The following ROS1 variants were observed in gnomAD, a reference collection of about 807,000 sequenced individuals.
ROS1 encodes the protein proto-oncogene tyrosine-protein kinase ROS.
Under a neutral mutation model 273.5 loss-of-function variants are expected in ROS1, and 263 were observed. That is an observed-to-expected ratio of 0.96 (90% CI 0.87 to 1.06). ROS1 has a LOEUF of 1.06. Among genes scored for constraint, ROS1 ranks in the 50% least tolerant of loss-of-function variants. ROS1 has a pLI of 0.00. For missense variants in ROS1, 2,833 were observed against 2,751.1 expected (o/e 1.03, Z -0.67); for synonymous variants, 1,008 against 954.1 (o/e 1.06, Z -1.04).
Position 117,360,025 on chromosome 6 carries a change from A to T in ROS1, c.3431-14T>A. 6.2e-7 allele frequency: 1 copy of T among 1,603,374 alleles called. No homozygotes were observed. Among genetic ancestry groups the T allele is most frequent in the Non-Finnish European group, 8.5e-7 (1 of 1,171,188 alleles). On this transcript the variant is annotated splice_polypyrimidine_tract_variant and intron_variant, in intron 23 of 43. Transcript: ENST00000368507. ...ATGGGTTGATTTCTGAAAGCAAAAA[A>T]ACATGTAGATAATATGCATGAGAAA...
intron 21 of ROS1, 99 bp from the exon 22 acceptor site, chr6:117,362,964 T>G: frequency 9.7e-7 from 1 of 1,031,388 alleles, no homozygotes; most frequent in East Asian, 2.7e-5. Context: ...AACTTAACAA[T>G]ATTTCTCATT....
intron 24 of ROS1, among the ~76,000 whole-genome samples, chr6:117,358,814 T>C (rs1287980160): frequency 6.6e-6 from 1 of 152,090 alleles, no homozygotes; most frequent in African/African-American, 2.4e-5. Flanking sequence ...CACCTCATGC[T>C]CATCCCCTCA....
intron 19 of ROS1, 66 bp from the exon 20 acceptor site, chr6:117,365,807 CAT>C: frequency 8.0e-7 from 1 of 1,246,306 alleles, no homozygotes; most frequent in Non-Finnish European, 1.1e-6. Context: ...ATATAGAAAT[CAT>C]AGAAAATCAA....
intron 43 of ROS1, among the ~76,000 whole-genome samples, chr6:117,289,858 A>T (rs973469080): frequency 7.2e-5 from 11 of 152,190 alleles, no homozygotes; most frequent in Admixed American, 5.9e-4. Flanking sequence ...TTCAACTGTT[A>T]TGATTATTGC....
intron 42 of ROS1, among the ~76,000 whole-genome samples, chr6:117,307,042 T>C (rs1007790245): frequency 1.3e-5 from 2 of 152,156 alleles, no homozygotes; most frequent in Non-Finnish European, 2.9e-5. Context: ...TTATTCAAGA[T>C]AAAACTGTAT....
At chr6:117,372,260 C>CAAAAAGAAAGAAAGGGCATCCAAATCAGT (rs1485071054) in intron 18 of ROS1, among the ~76,000 whole-genome samples, 5 of 152,004 alleles carry the variant, frequency 3.3e-5, no homozygotes, top group Admixed American at 3.3e-4. Context: ...AAGCAGACAA[C>CAAAAAGAAAGAAAGGGCATCCAAATCAGT]AAAAAGAAAG....
chr6:117,416,522 GCT>G (rs1775348236), intron 2 of ROS1, among the ~76,000 whole-genome samples: 1 of 152,204 alleles, frequency 6.6e-6, no homozygotes, highest in East Asian at 1.9e-4. Context: ...AAGTCTTGTG[GCT>G]CACTGCAGGG....
At chr6:117,364,599 C>T (rs1052844245) in intron 21 of ROS1, among the ~76,000 whole-genome samples, 1 of 152,182 alleles carries the variant, frequency 6.6e-6, no homozygotes, top group Non-Finnish European at 1.5e-5. Context: ...GTTTTGTACA[C>T]TTTAAGGTGA....
chr6:117,359,308 A>G (rs1779589682), intron 24 of ROS1, among the ~76,000 whole-genome samples: 2 of 152,166 alleles, frequency 1.3e-5, no homozygotes, highest in Non-Finnish European at 2.9e-5. Flanking sequence ...TGCCTACCAC[A>G]TGCCAGGCAT....
In ROS1 at chr6:117,350,033, TAAGAAA is replaced by T. The variant is rs1285437320; in HGVS notation, c.4303+2951_4303+2956del. Among the ~76,000 whole-genome samples, 12 of 151,648 alleles carry T rather than the reference TAAGAAA, an allele frequency of 7.9e-5. No individual in the cohort carries two copies. In the East Asian group the frequency reaches 2.1e-3, roughly 27 times the overall value. ...ACAAACTATTATCCATTAGGTCAGTTAAGAAAAAGAAAAACTTTTACTTTACTTTCA... is the reference window on the plus strand; with the variant it reads ...ACAAACTATTATCCATTAGGTCAGTTAAGAAAAACTTTTACTTTACTTTCA... On this transcript the variant is annotated intron_variant, in intron 27 of 43. Transcript: ENST00000368507.
chr6:117,410,543 T>C (rs1191297968), intron 4 of ROS1, among the ~76,000 whole-genome samples: 2 of 152,176 alleles, frequency 1.3e-5, no homozygotes, highest in Non-Finnish European at 2.9e-5. Flanking sequence ...ACAAATTTCC[T>C]GCAACTCTTA....
chr6:117,300,415 T>C (rs1452246838), intron 43 of ROS1, among the ~76,000 whole-genome samples: 2 of 151,806 alleles, frequency 1.3e-5, no homozygotes, highest in Non-Finnish European at 2.9e-5. Context: ...CAGTGCTTAA[T>C]GAAAACAGAA....
In ROS1 at chr6:117,391,533, T is replaced by C. The variant is rs73568834; in HGVS notation, c.1290-1687A>G. Among the ~76,000 whole-genome samples the C allele has an allele frequency of 3.2e-3, 480 of 152,252 alleles. 2 individuals are homozygous for C. The highest frequency in any genetic ancestry group is 0.01 in the African/African-American group (430 of 41,564). ...GTCTGAACTCAATGAGGAGACAATTTGCAGTGCAAAAAGAACAGCATAGAG... is the reference window on the plus strand; with the variant it reads ...GTCTGAACTCAATGAGGAGACAATTCGCAGTGCAAAAAGAACAGCATAGAG... On this transcript the variant is annotated intron_variant, in intron 12 of 43. Transcript: ENST00000368507.
chr6:117,388,306 G>A (rs1221024865), intron 13 of ROS1, among the ~76,000 whole-genome samples: 3 of 151,958 alleles, frequency 2.0e-5, no homozygotes, highest in African/African-American at 4.8e-5. Context: ...ATATAATCAG[G>A]CTCTTAATAA....
chr6:117,336,212 T>A (rs1055145927), intron 32 of ROS1, among the ~76,000 whole-genome samples: 3 of 152,062 alleles, frequency 2.0e-5, no homozygotes, highest in Non-Finnish European at 4.4e-5. Flanking sequence ...GACGTGAAGG[T>A]TTGTTACATG....
intron 27 of ROS1, among the ~76,000 whole-genome samples, chr6:117,351,293 T>C (rs1476422603): frequency 1.3e-5 from 2 of 152,292 alleles, no homozygotes; most frequent in East Asian, 3.9e-4. Flanking sequence ...GGCACTTCTC[T>C]TTACCCAGGT....
At chr6:117,405,660 T>TA (rs1442473645) in intron 5 of ROS1, among the ~76,000 whole-genome samples, 3 of 150,840 alleles carry the variant, frequency 2.0e-5, no homozygotes, top group Non-Finnish European at 4.4e-5. Flanking sequence ...GCCATGGTGA[T>TA]ACATATGAAA....
Position 117,356,919 on chromosome 6 carries a change from T to G in ROS1, c.3840-4A>C. The G allele has an allele frequency of 6.3e-7, 1 of 1,599,802 alleles. No homozygotes were observed. The highest frequency in any genetic ancestry group is 8.5e-7 in the Non-Finnish European group (1 of 1,174,962). On this transcript the variant is annotated splice_polypyrimidine_tract_variant and splice_region_variant and intron_variant, in intron 25 of 43. Transcript: ENST00000368507. ...AACTTCTGTCCAATACAAGCGACTA[T>G]AGAGGAAAAAAAAGTCCCCCCAACT...
chr6:117,299,655 T>C (rs913624264), intron 43 of ROS1: 2 of 152,226 alleles, frequency 1.3e-5, no homozygotes, highest in East Asian at 3.8e-4. Context: ...AGATTCTAAG[T>C]TGCGATCCAT....
Sources: allele counts gnomAD v4.1 joint callset (sites outside exome capture counted in the v4.1 genomes callset), GRCh38; gene constraint gnomAD v4.1.1; transcripts MANE v1.5; gene names NCBI Gene and HGNC (gene_info 2026-07-23, HGNC 2026-07-21).